TBC1D19: variants seen among roughly 807,000 people sequenced by gnomAD.
The protein encoded by TBC1D19 is TBC1 domain family, member 19.
Under a neutral mutation model 89.0 loss-of-function variants are expected in TBC1D19, and 60 were observed. The ratio of observed to expected loss-of-function variants is 0.67; its 90% CI spans 0.55 to 0.84. The LOEUF (loss-of-function observed/expected upper bound fraction) is 0.84, where lower values mean the gene tolerates loss of function less well. Among genes scored for constraint, TBC1D19 ranks in the 40% least tolerant of loss-of-function variants. The pLI, the probability that TBC1D19 is intolerant of heterozygous loss-of-function variation, is 0.00. For synonymous variants in TBC1D19, 189 were observed against 199.7 expected, an observed-to-expected ratio of 0.95 and a Z score of 0.45; for missense variants, 500 against 610.8, an observed-to-expected ratio of 0.82 and a Z score of 1.91.
intron 19 of TBC1D19, among the ~76,000 whole-genome samples, chr4:26,752,210 A>ACCAGTCTT (rs1246029954): frequency 3.3e-5 from 5 of 151,660 alleles, no homozygotes; most frequent in Non-Finnish European, 2.9e-5. Context: ...ATACCTAGGA[A>ACCAGTCTT]CCAGTCTTCC....
At chr4:26,856,128 T>C in the TBC1D19 span, among the ~76,000 whole-genome samples, 127 of 152,318 alleles carry the variant, frequency 8.3e-4, 2 homozygotes, top group South Asian at 0.023. Context: ...TCCCCATCCC[T>C]CGCCCCATTC....
the TBC1D19 span, among the ~76,000 whole-genome samples, chr4:26,772,727 T>G: frequency 2.0e-5 from 3 of 152,186 alleles, no homozygotes. Flanking sequence ...TTTGGTTTTT[T>G]GTTCCTTCTT....
chr4:26,804,639 A>T, the TBC1D19 span, among the ~76,000 whole-genome samples: 4 of 152,140 alleles, frequency 2.6e-5, no homozygotes, highest in Non-Finnish European at 5.9e-5. Flanking sequence ...GGCGCAGCCC[A>T]GGACGGCGCA....
intron 17 of TBC1D19, 100 bp from the exon 18 acceptor site, chr4:26,742,408 T>G (rs1199457623): frequency 1.0e-6 from 1 of 966,696 alleles, no homozygotes; most frequent in African/African-American, 1.7e-5. Context: ...AGAAAATTTA[T>G]GTTGATAGTT....
chr4:26,768,994 T>A, the TBC1D19 span, among the ~76,000 whole-genome samples: 1 of 151,778 alleles, frequency 6.6e-6, no homozygotes, highest in Non-Finnish European at 1.5e-5. Context: ...TGAAGAAAGT[T>A]ACAAGAAGAC....
intron 7 of TBC1D19, among the ~76,000 whole-genome samples, chr4:26,646,787 G>A (rs925570811): frequency 6.6e-6 from 1 of 152,156 alleles, no homozygotes; most frequent in Admixed American, 6.5e-5. Flanking sequence ...ATCACACACT[G>A]AGGTGGGGGA....
chr4:26,666,302 C>A, intron 8 of TBC1D19, 31 bp from the exon 9 acceptor site: 1 of 1,565,820 alleles, frequency 6.4e-7, no homozygotes, highest in Non-Finnish European at 8.8e-7. Context: ...AGTCTGAGAT[C>A]TATGTTAATT....
At chr4:26,605,767 C>T (rs1577788757) in intron 1 of TBC1D19, among the ~76,000 whole-genome samples, 2 of 152,264 alleles carry the variant, frequency 1.3e-5, no homozygotes, top group African/African-American at 4.8e-5. Flanking sequence ...GAGATGGTAT[C>T]TCATTGTGGT....
intron 19 of TBC1D19, among the ~76,000 whole-genome samples, chr4:26,752,009 T>G (rs1178911098): frequency 1.3e-5 from 2 of 152,214 alleles, no homozygotes; most frequent in Non-Finnish European, 2.9e-5. Context: ...AGAGCCAAGG[T>G]TGAGTATTGG....
intron 6 of TBC1D19, 79 bp from the exon 7 acceptor site, chr4:26,640,062 G>A: frequency 9.9e-7 from 1 of 1,008,904 alleles, no homozygotes; most frequent in Non-Finnish European, 1.5e-6. Flanking sequence ...GATAACATGT[G>A]AAAGAATGAT....
chr4:26,633,607 C>T (rs916166578), intron 4 of TBC1D19, among the ~76,000 whole-genome samples: 1 of 152,124 alleles, frequency 6.6e-6, no homozygotes, highest in African/African-American at 2.4e-5. Flanking sequence ...AGTCCTGTTC[C>T]TAAATCCAAC....
rs556151063 is a variant in TBC1D19, at chr4:26,597,611, G to A, written c.99+13319G>A. On this transcript the variant is annotated intron_variant, in intron 1 of 20. Coordinates refer to ENST00000264866, the MANE Select transcript of TBC1D19 (RefSeq NM_018317.4). ...ACTCCTGATCTCAGGTGATCCTCCC[G>A]CCTCAGCCTCCCAAAGTGCTGGGAT... 1.3e-4 allele frequency among the ~76,000 whole-genome samples: 18 copies of A among 140,298 alleles called. No individual in the cohort carries two copies. In the South Asian group the frequency reaches 3.4e-3, roughly 27 times the overall value. The allele number at this position is 140,298 out of a possible 152,430, so 92.0% of individuals were successfully genotyped here. A position where few individuals can be genotyped will look rare whatever the true frequency, so the allele number is the denominator to read the frequency against.
In TBC1D19 at chr4:26,755,206, T is replaced by C. The variant is rs1286638208; in HGVS notation, c.*259T>C. ...AAATTGAGCATTATATATATAATAT[T>C]ATAATATATATATAATCCTGACTTG... is the stretch of plus-strand genomic sequence containing the variant. On this transcript the variant is annotated 3_prime_UTR_variant, in exon 21 of 21. Transcript: ENST00000264866. 6.4e-6 allele frequency: 1 copy of C among 157,178 alleles called. No homozygotes were observed. The highest frequency in any genetic ancestry group is 1.4e-5 in the Non-Finnish European group (1 of 72,544). 9.7% of individuals were successfully genotyped at this position (157,178 alleles called of 1,614,324 possible).
intron 1 of TBC1D19, among the ~76,000 whole-genome samples, chr4:26,597,697 A>G (rs184620447): frequency 1.3e-5 from 2 of 151,974 alleles, no homozygotes; most frequent in South Asian, 2.1e-4. Flanking sequence ...TTAATTGTAT[A>G]GTCTATTTAC....
At chr4:26,748,593 A>AG (rs1295622738) in intron 19 of TBC1D19, 67 bp downstream of exon 19, 1 of 1,131,450 alleles carries the variant, frequency 8.8e-7, no homozygotes, top group African/African-American at 1.6e-5. Context: ...TCTTCCTAAC[A>AG]TTCACCATCC....
the TBC1D19 span, among the ~76,000 whole-genome samples, chr4:26,780,265 C>A: frequency 6.6e-6 from 1 of 152,214 alleles, no homozygotes; most frequent in Non-Finnish European, 1.5e-5. Flanking sequence ...GGGGCTTATT[C>A]AATGACATTT....
intron 7 of TBC1D19, among the ~76,000 whole-genome samples, chr4:26,641,954 T>TGG (rs1560438444): frequency 1.3e-5 from 2 of 152,002 alleles, no homozygotes; most frequent in Non-Finnish European, 2.9e-5. Context: ...CTACATTTGA[T>TGG]TGGTATACCT....
chr4:26,621,294 A>G (rs1287635597), intron 4 of TBC1D19, among the ~76,000 whole-genome samples: 1 of 152,188 alleles, frequency 6.6e-6, no homozygotes, highest in Non-Finnish European at 1.5e-5. Flanking sequence ...CCTTCATCTC[A>G]GCACAGCCTC....
the TBC1D19 span, among the ~76,000 whole-genome samples, chr4:26,856,240 G>A: frequency 2.0e-5 from 3 of 151,912 alleles, no homozygotes; most frequent in Admixed American, 2.0e-4. Flanking sequence ...GTTTTTCTAC[G>A]CCTGGCTTAT....
Sources: allele counts gnomAD v4.1 joint callset (sites outside exome capture counted in the v4.1 genomes callset), GRCh38; gene constraint gnomAD v4.1.1; transcripts MANE v1.5; gene names NCBI Gene and HGNC (gene_info 2026-07-23, HGNC 2026-07-21).